Variants in UGGT2 observed in about 807,000 individuals in gnomAD.
UGGT2 encodes UDP-glucose glycoprotein glucosyltransferase 2, also known as UDP-glucose:glycoprotein glucosyltransferase 2.
Under a neutral mutation model 192.1 loss-of-function variants are expected in UGGT2, and 180 were observed. The ratio of observed to expected loss-of-function variants is 0.94; its 90% CI spans 0.83 to 1.06. The LOEUF is 1.06. Among genes scored for constraint, UGGT2 ranks in the 50% least tolerant of loss-of-function variants. The probability of loss-of-function intolerance (pLI) is 0.00; values close to 1 mark genes in which losing one functional copy is unlikely to be tolerated. For missense variants in UGGT2, 1,849 were observed against 1,795.7 expected (o/e 1.03, Z -0.54); for synonymous variants, 580 against 591.0 (o/e 0.98, Z 0.27).
At chr13:95,881,147 C>A (rs545557427) in intron 27 of UGGT2, among the ~76,000 whole-genome samples, 1 of 152,134 alleles carries the variant, frequency 6.6e-6, no homozygotes, top group Admixed American at 6.5e-5. Flanking sequence ...GCCGAGATCA[C>A]GCCACTGCAC....
At chr13:95,987,865 GC>G (rs1336826280) in intron 8 of UGGT2, among the ~76,000 whole-genome samples, 4 of 152,046 alleles carry the variant, frequency 2.6e-5, no homozygotes, top group Non-Finnish European at 5.9e-5. Flanking sequence ...CCTGCTCCGG[GC>G]CCCCAAAAGG....
intron 5 of UGGT2, among the ~76,000 whole-genome samples, chr13:95,999,790 C>T (rs1008500556): frequency 1.3e-5 from 2 of 152,048 alleles, no homozygotes; most frequent in African/African-American, 2.4e-5. Flanking sequence ...AAGTTAGTGC[C>T]GTGAAATACC....
intron 37 of UGGT2, among the ~76,000 whole-genome samples, chr13:95,836,332 A>G (rs1887284582): frequency 6.6e-6 from 1 of 152,188 alleles, no homozygotes; most frequent in African/African-American, 2.4e-5. Flanking sequence ...TTACAGGCGT[A>G]AGCCACCGTG....
chr13:95,937,968 G>A (rs1205731380), intron 16 of UGGT2, among the ~76,000 whole-genome samples: 1 of 152,142 alleles, frequency 6.6e-6, no homozygotes, highest in Non-Finnish European at 1.5e-5. Flanking sequence ...GAAATCATGA[G>A]GGCAGATCTT....
At chr13:95,847,598 C>T (rs1321411029) in intron 36 of UGGT2, among the ~76,000 whole-genome samples, 2 of 152,124 alleles carry the variant, frequency 1.3e-5, no homozygotes, top group East Asian at 3.8e-4. Flanking sequence ...AGTTATTATA[C>T]ATTTAAAGTT....
chr13:95,819,895 T>C (rs968187886), intron 38 of UGGT2, among the ~76,000 whole-genome samples: 5 of 152,200 alleles, frequency 3.3e-5, no homozygotes, highest in South Asian at 2.1e-4. Context: ...TGGTGGCCCA[T>C]GCCTGTAATC....
chr13:95,817,330 A>G (rs575207354), intron 38 of UGGT2, among the ~76,000 whole-genome samples: 2 of 152,306 alleles, frequency 1.3e-5, no homozygotes, highest in East Asian at 3.9e-4. Context: ...CAGGCCTGTA[A>G]TCCCAGCACT....
rs2049903789 is a variant in UGGT2, at chr13:95,947,276, G to GT, written c.1542-105dup. The GT allele has an allele frequency of 1.2e-5, 14 of 1,186,180 alleles. No individual in the cohort carries two copies. The South Asian group carries it at 2.2e-4, about 19-fold the overall frequency. The allele number at this position is 1,186,180 out of a possible 1,614,324, so 73.5% of individuals were successfully genotyped here. On this transcript the variant is annotated intron_variant, in intron 14 of 38. Coordinates refer to ENST00000376747, the MANE Select transcript of UGGT2 (RefSeq NM_020121.4). ...ACTACAATATCTAGATGGAGAGAATGTATTAATAGACAGAGAAAAGGAGAA... is the reference window on the plus strand; with the variant it reads ...ACTACAATATCTAGATGGAGAGAATGTTATTAATAGACAGAGAAAAGGAGAA...
At position 95,853,648 on chromosome 13, in the gene UGGT2, A is replaced by T; in HGVS notation, c.4179T>A (p.Tyr1393Ter). The T allele has an allele frequency of 6.4e-7, 1 of 1,559,162 alleles. No individual in the cohort carries two copies. The highest frequency in any genetic ancestry group is 1.2e-5 in the South Asian group (1 of 81,870). The change falls in exon 36 of 39, where the codon TAT (tyrosine) becomes TAA (stop). Residue 1393 changes from tyrosine to a stop codon, truncating the protein, a stop_gained. Coordinates refer to ENST00000376747, the MANE Select transcript of UGGT2 (RefSeq NM_020121.4). LOFTEE classifies it high-confidence loss of function. The stretch of plus-strand genomic sequence containing the variant: ...TCCTGAACTTCTTGAGATCCACTAC[A>T]TATAAAGCACTGCAAAAATGAATTA... ...LRRKYHISAL[Y>*]VVDLKKFRRI...
At position 96,014,023 on chromosome 13, in the gene UGGT2, T is replaced by A. The variant is rs181586461; in HGVS notation, c.486-542A>T. Among the ~76,000 whole-genome samples the A allele has an allele frequency of 3.8e-4, 58 of 152,272 alleles. No homozygotes were observed. The East Asian group carries it at 0.011, about 28-fold the overall frequency. On this transcript the variant is annotated intron_variant, in intron 4 of 38. Coordinates refer to ENST00000376747, the MANE Select transcript of UGGT2 (RefSeq NM_020121.4). ...CACTGTGCTAGGTTCTTTACACTTA[T>A]TAGTAAATTCTATTTCACAAGAAAA...
In UGGT2 at chr13:95,867,425, TA is replaced by T. The variant is rs1890770640; in HGVS notation, c.3474-3del. On this transcript the variant is annotated splice_polypyrimidine_tract_variant and splice_region_variant and intron_variant, in intron 29 of 38. Coordinates refer to ENST00000376747, the MANE Select transcript of UGGT2 (RefSeq NM_020121.4). ...GCTTGAGAGTCAGTTCCTTCATGCC[TA>T]AAAGTAGAAAAATGTGTCCATAATT... 1 of 1,600,830 alleles carries T rather than the reference TA, an allele frequency of 6.2e-7. No individual in the cohort carries two copies. Among genetic ancestry groups the T allele is most frequent in the African/African-American group, 1.3e-5 (1 of 74,384 alleles).
chr13:95,904,872 C>T (rs1360807451), intron 20 of UGGT2, among the ~76,000 whole-genome samples: 124 of 151,676 alleles, frequency 8.2e-4, no homozygotes, highest in African/African-American at 2.9e-3. Flanking sequence ...AATCGCCACA[C>T]TGACTTCCAC....
At chr13:95,845,377 C>CTCTTCA (rs1555338944) in intron 36 of UGGT2, among the ~76,000 whole-genome samples, 2 of 42,184 alleles carry the variant, frequency 4.7e-5, no homozygotes, top group African/African-American at 1.2e-4. Context: ...GTGGTGATGA[C>CTCTTCA]TGGTATGCTG....
rs760443769 is a variant in UGGT2 at position 95,972,573 on chromosome 13, T to G, written c.1184+7A>C. ...TAGTTCATTTACAGCAATAATTTAATACTTACCTAAAAGCGTCATAAACAT... is the reference window on the plus strand; with the variant it reads ...TAGTTCATTTACAGCAATAATTTAAGACTTACCTAAAAGCGTCATAAACAT... On this transcript the variant is annotated splice_region_variant and intron_variant, in intron 11 of 38. Coordinates refer to ENST00000376747, the MANE Select transcript of UGGT2 (RefSeq NM_020121.4). The G allele has an allele frequency of 3.1e-6, 5 of 1,599,054 alleles. No homozygotes were observed. In the South Asian group the frequency reaches 5.5e-5, roughly 18 times the overall value.
At chr13:95,839,545 G>A (rs780458313) in intron 36 of UGGT2, among the ~76,000 whole-genome samples, 9 of 152,098 alleles carry the variant, frequency 5.9e-5, no homozygotes, top group Non-Finnish European at 1.2e-4. Context: ...GTCAACTGAT[G>A]GGCATTTGGG....
chr13:95,817,034 A>G (rs1884970610), intron 38 of UGGT2, among the ~76,000 whole-genome samples: 1 of 152,186 alleles, frequency 6.6e-6, no homozygotes, highest in South Asian at 2.1e-4. Flanking sequence ...AAGCTGAGAC[A>G]CAAGAATCGC....
chr13:95,991,473 C>T (rs1318356339), intron 7 of UGGT2: 1 of 454,188 alleles, frequency 2.2e-6, no homozygotes, highest in African/African-American at 2.0e-5. Flanking sequence ...AATAGACAAG[C>T]CTTTGAAAAG....
chr13:95,831,769 C>T (rs547187728), intron 38 of UGGT2, among the ~76,000 whole-genome samples: 11 of 151,824 alleles, frequency 7.2e-5, no homozygotes, highest in African/African-American at 2.7e-4. Flanking sequence ...TACCTCTTTC[C>T]CAATTTGATA....
chr13:95,889,591 A>G (rs552788239), intron 25 of UGGT2, among the ~76,000 whole-genome samples: 73 of 152,334 alleles, frequency 4.8e-4, no homozygotes, highest in African/African-American at 1.6e-3. Context: ...ATCAGTAGCA[A>G]AACATACAGC....
Sources: gnomAD v4.1 joint callset for allele counts (sites outside exome capture counted in the v4.1 genomes callset) on GRCh38, gnomAD v4.1.1 for gene constraint, MANE v1.5 for transcripts, NCBI Gene and HGNC (gene_info 2026-07-23, HGNC 2026-07-21) for gene names.